SLC1A1: variants seen among roughly 807,000 people sequenced by gnomAD.
SLC1A1 encodes excitatory amino acid transporter 3.
A neutral mutation model predicts 53.3 loss-of-function variants in SLC1A1; 43 were observed. The observed-to-expected ratio is 0.81, with a 90% CI of 0.63 to 1.04. The LOEUF is 1.04. Ranked by LOEUF, SLC1A1 falls within the 50% of genes least tolerant of loss-of-function variation. SLC1A1 has a pLI of 0.00. For synonymous variants in SLC1A1, 307 were observed against 243.2 expected, an observed-to-expected ratio of 1.26 and a Z score of -2.44; for missense variants, 748 against 664.9, an observed-to-expected ratio of 1.12 and a Z score of -1.37.
intron 1 of SLC1A1, among the ~76,000 whole-genome samples, chr9:4,535,735 G>C (rs892407211): frequency 3.3e-5 from 5 of 152,006 alleles, no homozygotes; most frequent in African/African-American, 7.2e-5. Context: ...AACCAAAAAA[G>C]AGCCCACATT....
At chr9:4,514,454 C>G (rs921339693) in intron 1 of SLC1A1, among the ~76,000 whole-genome samples, 1 of 152,142 alleles carries the variant, frequency 6.6e-6, no homozygotes, top group African/African-American at 2.4e-5. Context: ...CAGAGCCTCC[C>G]TGGTTATCTG....
At chr9:4,511,301 G>T (rs1411657113) in intron 1 of SLC1A1, among the ~76,000 whole-genome samples, 1 of 152,064 alleles carries the variant, frequency 6.6e-6, no homozygotes, top group Non-Finnish European at 1.5e-5. Context: ...CCCACCTCCT[G>T]GCTCATGAAT....
Position 4,504,532 on chromosome 9 carries a change from G to GT in SLC1A1, c.91+13763dup, listed in dbSNP as rs574311691. Among the ~76,000 whole-genome samples the GT allele has an allele frequency of 2.2e-3, 340 of 152,370 alleles. 1 individual carries two copies. Among genetic ancestry groups the GT allele is most frequent in the African/African-American group, 7.8e-3 (325 of 41,598 alleles). On this transcript the variant is annotated intron_variant, in intron 1 of 11. Transcript: ENST00000262352. ...AAAAGTTAATTGTCAACCAGGAGAT[G>GT]TAACAGGCTTGCTCCATTTCTGCTG... is the stretch of plus-strand genomic sequence containing the variant.
intron 1 of SLC1A1, among the ~76,000 whole-genome samples, chr9:4,500,696 A>C (rs998031846): frequency 2.6e-5 from 4 of 152,230 alleles, no homozygotes; most frequent in Non-Finnish European, 5.9e-5. Context: ...TGTTGTAATT[A>C]GTACAGCCCA....
intron 1 of SLC1A1, among the ~76,000 whole-genome samples, chr9:4,541,186 T>C (rs1816973219): frequency 6.6e-6 from 1 of 152,228 alleles, no homozygotes; most frequent in Non-Finnish European, 1.5e-5. Context: ...GTTGATCTTG[T>C]CAACCTGAAA....
At chr9:4,518,244 A>AG (rs1815933083) in intron 1 of SLC1A1, among the ~76,000 whole-genome samples, 1 of 150,754 alleles carries the variant, frequency 6.6e-6, no homozygotes, top group Non-Finnish European at 1.5e-5. Context: ...CAAAAAAAAA[A>AG]AAAAAAAAAA....
At chr9:4,559,613 C>A (rs950168674) in intron 2 of SLC1A1, among the ~76,000 whole-genome samples, 1 of 152,170 alleles carries the variant, frequency 6.6e-6, no homozygotes, top group East Asian at 1.9e-4. Flanking sequence ...ATGCTGATAG[C>A]CATACAGGTT....
intron 1 of SLC1A1, among the ~76,000 whole-genome samples, chr9:4,518,707 A>G (rs2130826832): frequency 6.6e-6 from 1 of 152,334 alleles, no homozygotes; most frequent in African/African-American, 2.4e-5. Flanking sequence ...CCATCAAGGT[A>G]GAGTGAAAAA....
chr9:4,580,518 C>T (rs1820961154), intron 10 of SLC1A1, among the ~76,000 whole-genome samples: 1 of 149,530 alleles, frequency 6.7e-6, no homozygotes, highest in Non-Finnish European at 1.5e-5. Flanking sequence ...TAGGTGGAGG[C>T]TGCAGTGAGC....
At chr9:4,585,200 C>A in intron 11 of SLC1A1, 112 bp from the exon 12 acceptor site, 1 of 1,444,848 alleles carries the variant, frequency 6.9e-7, no homozygotes, top group East Asian at 2.3e-5. Flanking sequence ...GAGGACAGCA[C>A]TTTCTGCACT....
chr9:4,529,543 C>T (rs1198497538), intron 1 of SLC1A1, among the ~76,000 whole-genome samples: 1 of 152,062 alleles, frequency 6.6e-6, no homozygotes, highest in Non-Finnish European at 1.5e-5. Flanking sequence ...TGTAGGTGCT[C>T]AATAAGTGTT....
At chr9:4,492,230 C>T (rs1820260880) in intron 1 of SLC1A1, among the ~76,000 whole-genome samples, 1 of 151,870 alleles carries the variant, frequency 6.6e-6, no homozygotes, top group Admixed American at 6.6e-5. Flanking sequence ...CTACAAAGAA[C>T]GACTTGATTT....
chr9:4,514,568 TGA>T (rs1821102391), intron 1 of SLC1A1, among the ~76,000 whole-genome samples: 2 of 151,630 alleles, frequency 1.3e-5, no homozygotes, highest in African/African-American at 4.9e-5. Context: ...ATCAGATAAA[TGA>T]GAGAGCAGAG....
Position 4,564,360 on chromosome 9 carries a change from G to A in SLC1A1, c.342G>A (p.Val114=), listed in dbSNP as rs201967862. Residue 114 remains valine, a synonymous_variant, in exon 4 of 12, where the codon GTG becomes GTA. Transcript: ENST00000262352. The part of the protein sequence containing the change: ...IAVILGIVLV[V]SIKPGVTQKV... ...TGGCCACAGGTATTGTGCTGGTGGT[G>A]AGCATCAAGCCTGGTGTCACCCAGA... 6 of 1,613,146 alleles carry A rather than the reference G, an allele frequency of 3.7e-6. No homozygotes were observed. Among genetic ancestry groups the A allele is most frequent in the Non-Finnish European group, 3.4e-6 (4 of 1,179,560 alleles).
intron 1 of SLC1A1, among the ~76,000 whole-genome samples, chr9:4,518,133 G>A (rs1815926915): frequency 6.7e-6 from 1 of 149,486 alleles, no homozygotes; most frequent in African/African-American, 2.5e-5. Flanking sequence ...CTACTCAGGA[G>A]GCTGAGGCAG....
chr9:4,495,442 G>A (rs1239409226), intron 1 of SLC1A1, among the ~76,000 whole-genome samples: 1 of 152,156 alleles, frequency 6.6e-6, no homozygotes, highest in Non-Finnish European at 1.5e-5. Context: ...GTAACCTACT[G>A]TATAGAGCAT....
chr9:4,580,252 A>AAAGG (rs1820930369), intron 10 of SLC1A1, among the ~76,000 whole-genome samples: 1 of 151,298 alleles, frequency 6.6e-6, no homozygotes, highest in Non-Finnish European at 1.5e-5. Flanking sequence ...AGAAAGAAAG[A>AAAGG]AAGAGAGAAA....
Position 4,576,749 on chromosome 9 carries a change from GATC to G in SLC1A1, c.1184_1186del (p.Ile395del), listed in dbSNP as rs587777697. The G allele has an allele frequency of 2.5e-5, 41 of 1,613,888 alleles. No homozygotes were observed. Among genetic ancestry groups the G allele is most frequent in the Non-Finnish European group, 3.4e-5 (40 of 1,179,958 alleles). Reference sequence around the variant, plus strand: ...ATGACCTGGACTTGGGCATTGGGCAGATCATCACCATCAGGTGGGGCATGGTGT... The same window carrying G: ...ATGACCTGGACTTGGGCATTGGGCAGATCACCATCAGGTGGGGCATGGTGT... On this transcript the variant is annotated inframe_deletion, in exon 10 of 12. Coordinates refer to ENST00000262352, the MANE Select transcript of SLC1A1 (RefSeq NM_004170.6).
rs550448973 is a variant in SLC1A1, at chr9:4,583,351, G to T, written c.1328+179G>T. Among the ~76,000 whole-genome samples the T allele has an allele frequency of 2.6e-5, 4 of 152,096 alleles. No individual in the cohort carries two copies. Among genetic ancestry groups the T allele is most frequent in the Non-Finnish European group, 4.4e-5 (3 of 68,018 alleles). ...TGCCTAAAAATTAACTCCTCATAAC[G>T]TGGAGCAGTGATTTTAAAAAGCCGG... On this transcript the variant is annotated intron_variant, in intron 11 of 11. Coordinates refer to ENST00000262352, the MANE Select transcript of SLC1A1 (RefSeq NM_004170.6). The surrounding 1 kb of genome is among the most constrained non-coding windows in gnomAD (Gnocchi z 4.6).
Sources: allele counts gnomAD v4.1 joint callset (sites outside exome capture counted in the v4.1 genomes callset), GRCh38; gene constraint gnomAD v4.1.1; non-coding constraint Gnocchi (gnomAD v3.1); transcripts MANE v1.5; gene names NCBI Gene and HGNC (gene_info 2026-07-23, HGNC 2026-07-21).